The following NYNRIN variants were observed in gnomAD, a reference collection of about 807,000 sequenced individuals.
NYNRIN encodes NYN domain and retroviral integrase containing.
Under a neutral mutation model 146.6 loss-of-function variants are expected in NYNRIN, and 86 were observed. That is an observed-to-expected ratio of 0.59 (90% CI 0.49 to 0.70). The LOEUF is 0.70. Among genes scored for constraint, NYNRIN ranks in the 30% least tolerant of loss-of-function variants. The pLI is 0.00. For synonymous variants in NYNRIN, 1,027 were observed against 1,001.3 expected (o/e 1.03, Z -0.48); for missense variants, 2,191 against 2,377.7 (o/e 0.92, Z 1.63).
rs754693969 is a variant in NYNRIN at position 24,408,351 on chromosome 14, G to A, written c.681G>A (p.Gln227=). The change falls in exon 3 of 9, where the codon CAG becomes CAA. Residue 227 remains glutamine (Q), a synonymous_variant. Coordinates refer to ENST00000382554, the MANE Select transcript of NYNRIN (RefSeq NM_025081.3). ...AGGTTCTAATCTGCCCTCCCCAGCA[G>A]CAGAAGGAAGCCCCAGCCATGGTGT... ...DPEVLICPPQ[Q]QKEAPAMVSV... The A allele has an allele frequency of 1.2e-6, 2 of 1,613,848 alleles. No homozygotes were observed. Among genetic ancestry groups the A allele is most frequent in the East Asian group, 4.5e-5 (2 of 44,876 alleles).
At position 24,416,544 on chromosome 14, in the gene NYNRIN, T is replaced by C. The variant is rs2042948874; in HGVS notation, c.4795T>C (p.Leu1599=). Residue 1599 remains leucine, a synonymous_variant, in exon 9 of 9, where the codon TTG becomes CTG. Transcript: ENST00000382554. ...CIPRNLIGSE[L]KVIESPWPLR... is the part of the protein sequence containing the mutation. ...CCCCCGAAATCTCATAGGCAGCGAG[T>C]TGAAGGTTATTGAGTCCCCATGGCC... is the stretch of plus-strand genomic sequence containing the variant. 1 of 1,613,720 alleles carries C rather than the reference T, an allele frequency of 6.2e-7. No individual in the cohort carries two copies. The highest frequency in any genetic ancestry group is 1.1e-5 in the South Asian group (1 of 91,064).
At chr14:24,402,258 G>A (rs1039280304) in intron 2 of NYNRIN, among the ~76,000 whole-genome samples, 15 of 152,150 alleles carry the variant, frequency 9.9e-5, no homozygotes, top group African/African-American at 2.9e-4. Context: ...ACAAACACTG[G>A]GGAGGCCTCT....
rs199653140 is a variant in NYNRIN, at chr14:24,409,346, A to G, written c.1552A>G (p.Thr518Ala). The G allele has an allele frequency of 1.1e-4, 173 of 1,614,050 alleles. No homozygotes were observed. The highest frequency in any genetic ancestry group is 1.1e-4 in the Non-Finnish European group (127 of 1,179,896). ...AGAGGGACCCGCTCCAGTGCTGCCAACAGGGCAAGGGAAGCCCGTGGCTCA... is the reference window on the plus strand; with the variant it reads ...AGAGGGACCCGCTCCAGTGCTGCCAGCAGGGCAAGGGAAGCCCGTGGCTCA... ...LEEGPAPVLPTGQGKPVAQGG... is the reference protein window; with the variant it reads ...LEEGPAPVLPAGQGKPVAQGG... Residue 518 changes from threonine to alanine, a missense_variant, in exon 4 of 9, where the codon ACA (threonine) becomes GCA (alanine). Coordinates refer to ENST00000382554, the MANE Select transcript of NYNRIN (RefSeq NM_025081.3).
Position 24,417,646 on chromosome 14 carries a change from G to C in NYNRIN, c.*200G>C. The C allele has an allele frequency of 1.3e-6, 1 of 752,812 alleles. No homozygotes were observed. Among genetic ancestry groups the C allele is most frequent in the East Asian group, 3.0e-5 (1 of 33,648 alleles). The allele number at this position is 752,812 out of a possible 1,614,324, so 46.6% of individuals were successfully genotyped here. On this transcript the variant is annotated 3_prime_UTR_variant, in exon 9 of 9. Transcript: ENST00000382554. ...GAAACATCCCCAGTTTGGGGTACTTGGAGAATTTGCCAAAGGCTGTCAGAT... is the reference window on the plus strand; with the variant it reads ...GAAACATCCCCAGTTTGGGGTACTTCGAGAATTTGCCAAAGGCTGTCAGAT...
chr14:24,412,731 T>C (rs2042919733), intron 6 of NYNRIN: 2 of 346,666 alleles, frequency 5.8e-6, no homozygotes, highest in South Asian at 6.0e-5. Flanking sequence ...TATGTGCCTA[T>C]GCGTATAACA....
At position 24,416,681 on chromosome 14, in the gene NYNRIN, G is replaced by A. The variant is rs779375806; in HGVS notation, c.4932G>A (p.Arg1644=). The A allele has an allele frequency of 6.2e-7, 1 of 1,613,932 alleles. No homozygotes were observed. Among genetic ancestry groups the A allele is most frequent in the South Asian group, 1.1e-5 (1 of 91,086 alleles). The change falls in exon 9 of 9, where the codon AGG becomes AGA. Residue 1644 remains arginine, a synonymous_variant. Transcript: ENST00000382554. ...HVLIVADPNT[R]WVEAFPLKPY... ...TTATTGTGGCTGACCCAAACACCAG[G>A]TGGGTGGAGGCATTCCCCCTGAAGC...
intron 8 of NYNRIN, 96 bp from the exon 9 acceptor site, chr14:24,414,500 G>A (rs2042931208): frequency 1.4e-6 from 2 of 1,448,512 alleles, no homozygotes; most frequent in African/African-American, 2.8e-5. Context: ...CCCAGCCTCA[G>A]GACACTTTGG....
At position 24,408,716 on chromosome 14, in the gene NYNRIN, A is replaced by G. The variant is rs1476969117; in HGVS notation, c.922A>G (p.Ser308Gly). The G allele has an allele frequency of 1.9e-6, 3 of 1,613,942 alleles. No homozygotes were observed. Among genetic ancestry groups the G allele is most frequent in the Middle Eastern group, 1.6e-4 (1 of 6,062 alleles). The change falls in exon 4 of 9, where the codon AGC (serine) becomes GGC (glycine). Residue 308 changes from serine (S) to glycine (G), a missense_variant. Transcript: ENST00000382554. ...AQEEGTVQAT[S>G]SQDSTNHTQA... The stretch of plus-strand genomic sequence containing the variant: ...AGAGGAAGGGACAGTGCAAGCCACC[A>G]GCAGCCAGGACTCCACGAACCACAC...
At chr14:24,414,072 C>T (rs1267988048) in intron 8 of NYNRIN, among the ~76,000 whole-genome samples, 1 of 152,214 alleles carries the variant, frequency 6.6e-6, no homozygotes, top group Non-Finnish European at 1.5e-5. Context: ...TGCCCACCTG[C>T]CAGTTCCCTA....
chr14:24,410,720 T>G (rs1254149709), intron 4 of NYNRIN, among the ~76,000 whole-genome samples: 1 of 152,262 alleles, frequency 6.6e-6, no homozygotes, highest in Non-Finnish European at 1.5e-5. Context: ...AGTAGTTATC[T>G]GTGCAGAGCA....
rs1328089429 is a variant in NYNRIN, at chr14:24,416,610, G to C, written c.4861G>C (p.Val1621Leu). ...TAPWSNLQIE[V>L]VGPVTISEEG... The stretch of plus-strand genomic sequence containing the variant: ...CCCCTGGTCGAACCTGCAGATCGAG[G>C]TGGTGGGCCCGGTCACCATAAGTGA... Residue 1621 changes from valine to leucine, a missense_variant, in exon 9 of 9, where the codon GTG (valine) becomes CTG (leucine). Val to Leu is a conservative substitution (Grantham distance 32, BLOSUM62 1). This residue lies in a region of NYNRIN where 1,291 missense variants were observed against 1,417.0 expected (regional missense o/e 0.91). Transcript: ENST00000382554. 1.2e-6 allele frequency: 2 copies of C among 1,613,856 alleles called. No individual in the cohort carries two copies. The highest frequency in any genetic ancestry group is 1.7e-6 in the Non-Finnish European group (2 of 1,179,894).
rs1266412116 is a variant in NYNRIN at position 24,415,697 on chromosome 14, C to T, written c.3948C>T (p.Cys1316=). ...TCTGCATCCACATGTCGGGCTACTG[C>T]TTCTACCGTGAGGATGAGTGGTGTG... ...TFVCIHMSGY[C]FYREDEWCAG... The change falls in exon 9 of 9, where the codon TGC becomes TGT. Residue 1316 remains cysteine, a synonymous_variant. Transcript: ENST00000382554. 6.2e-7 allele frequency: 1 copy of T among 1,613,846 alleles called. No homozygotes were observed. The highest frequency in any genetic ancestry group is 1.3e-5 in the African/African-American group (1 of 74,942).
rs1397254471 is a variant in NYNRIN, at chr14:24,408,825, G to A, written c.1031G>A (p.Cys344Tyr). 4 of 1,613,906 alleles carry A rather than the reference G, an allele frequency of 2.5e-6. No individual in the cohort carries two copies. Among genetic ancestry groups the A allele is most frequent in the Non-Finnish European group, 2.5e-6 (3 of 1,179,886 alleles). The change falls in exon 4 of 9, where the codon TGC becomes TAC. Residue 344 changes from cysteine to tyrosine, a missense_variant. Cys to Tyr is a radical substitution (Grantham distance 194). This residue lies in a region of NYNRIN where 895 missense variants were observed against 941.2 expected (regional missense o/e 0.95). Coordinates refer to ENST00000382554, the MANE Select transcript of NYNRIN (RefSeq NM_025081.3). Reference protein sequence around the residue: ...FQPPVSALGVCPPWKAWTPGP... With the variant: ...FQPPVSALGVYPPWKAWTPGP... ...CCTCCAGTATCAGCCCTGGGTGTGT[G>A]CCCACCCTGGAAGGCCTGGACCCCG... is the stretch of plus-strand genomic sequence containing the variant.
Position 24,408,817 on chromosome 14 carries a change from GGGTGTGTGCC to G in NYNRIN, c.1024_1033del (p.Gly342HisfsTer58). The G allele has an allele frequency of 6.2e-7, 1 of 1,614,024 alleles. No homozygotes were observed. The highest frequency in any genetic ancestry group is 8.5e-7 in the Non-Finnish European group (1 of 1,179,880). The stretch of plus-strand genomic sequence containing the variant: ...TCTTCCAACCTCCAGTATCAGCCCT[GGGTGTGTGCC>G]CACCCTGGAAGGCCTGGACCCCGGG... On this transcript the variant is annotated frameshift_variant, in exon 4 of 9. Coordinates refer to ENST00000382554, the MANE Select transcript of NYNRIN (RefSeq NM_025081.3). LOFTEE classifies it high-confidence loss of function.
chr14:24,408,829 A>ACTGGAAGG lies in NYNRIN; in HGVS notation c.1036_1037insTGGAAGGC (p.Pro346LeufsTer60). On this transcript the variant is annotated frameshift_variant, in exon 4 of 9. Transcript: ENST00000382554. LOFTEE classifies it high-confidence loss of function. ...CAGTATCAGCCCTGGGTGTGTGCCC[A>ACTGGAAGG]CCCTGGAAGGCCTGGACCCCGGGGC... 6.2e-7 allele frequency: 1 copy of ACTGGAAGG among 1,613,938 alleles called. No individual in the cohort carries two copies. Among genetic ancestry groups the ACTGGAAGG allele is most frequent in the Non-Finnish European group, 8.5e-7 (1 of 1,179,870 alleles).
chr14:24,413,952 A>G lies in NYNRIN; in HGVS notation c.2846+535A>G, dbSNP rs148840427. ...TCCTCACAACTTGAGTTATATGTAA[A>G]TGACCACTGTCTTCATTTTATAGAT... On this transcript the variant is annotated intron_variant, in intron 8 of 8. Coordinates refer to ENST00000382554, the MANE Select transcript of NYNRIN (RefSeq NM_025081.3). Among the ~76,000 whole-genome samples the G allele has an allele frequency of 2.9e-4, 44 of 152,334 alleles. No homozygotes were observed. In the East Asian group the frequency reaches 8.5e-3, roughly 29 times the overall value.
intron 8 of NYNRIN, 71 bp downstream of exon 8, chr14:24,413,488 C>A: frequency 1.0e-6 from 1 of 958,800 alleles, no homozygotes; most frequent in Non-Finnish European, 1.6e-6. Flanking sequence ...TTAGTGTTGG[C>A]CAACATCTAG....
In NYNRIN at chr14:24,410,092, C is replaced by T. The variant is rs1399799878; in HGVS notation, c.2298C>T (p.Thr766=). The T allele has an allele frequency of 5.0e-6, 8 of 1,613,876 alleles. No individual in the cohort carries two copies. The highest frequency in any genetic ancestry group is 5.9e-6 in the Non-Finnish European group (7 of 1,179,920). The stretch of plus-strand genomic sequence containing the variant: ...ACCTGCAAGCGAACAGCACAGTGAC[C>T]AGCTTCCAGAGGTACCACGAGGCCC... ...PRHLQANSTV[T]SFQRYHEALN... The change falls in exon 4 of 9, where the codon ACC becomes ACT. Residue 766 remains threonine (T), a synonymous_variant. Coordinates refer to ENST00000382554, the MANE Select transcript of NYNRIN (RefSeq NM_025081.3).
chr14:24,411,067 A>T lies in NYNRIN; in HGVS notation c.2415-9A>T, dbSNP rs1205193883. On this transcript the variant is annotated splice_polypyrimidine_tract_variant and intron_variant, in intron 4 of 8. Coordinates refer to ENST00000382554, the MANE Select transcript of NYNRIN (RefSeq NM_025081.3). The surrounding 1 kb of genome is among the most constrained non-coding windows in gnomAD (Gnocchi z 4.3). ...AGGCAGGGTCTTTCCTTGTCCCACG[A>T]CCCCACAGGCATGGCCTGCAGCACT... The T allele has an allele frequency of 6.2e-7, 1 of 1,613,248 alleles. No homozygotes were observed. Among genetic ancestry groups the T allele is most frequent in the East Asian group, 2.2e-5 (1 of 44,862 alleles).
Sources: allele counts gnomAD v4.1 joint callset (sites outside exome capture counted in the v4.1 genomes callset), GRCh38; gene constraint gnomAD v4.1.1; regional missense constraint gnomAD v4.1.1; non-coding constraint Gnocchi (gnomAD v3.1); transcripts MANE v1.5; gene names NCBI Gene and HGNC (gene_info 2026-07-23, HGNC 2026-07-21).